Variants in ZDHHC14 observed in about 807,000 individuals in gnomAD.
ZDHHC14 encodes the protein palmitoyltransferase ZDHHC14.
Under a neutral mutation model 47.7 loss-of-function variants are expected in ZDHHC14, and 16 were observed. The ratio of observed to expected loss-of-function variants is 0.34; its 90% CI spans 0.23 to 0.51. The LOEUF (loss-of-function observed/expected upper bound fraction) is 0.51. ZDHHC14 is among the 20% of genes least tolerant of loss of function. The probability of loss-of-function intolerance (pLI) is 0.97; values close to 1 mark genes in which losing one functional copy is unlikely to be tolerated. For missense variants in ZDHHC14, 515 were observed against 662.5 expected (o/e 0.78, Z 2.44); for synonymous variants, 293 against 278.9 (o/e 1.05, Z -0.50).
intron 8 of ZDHHC14, among the ~76,000 whole-genome samples, chr6:157,665,057 A>C (rs1420411981): frequency 6.6e-6 from 1 of 152,206 alleles, no homozygotes; most frequent in Non-Finnish European, 1.5e-5. Context: ...CCCCAAGAAA[A>C]GAATTGGTTG....
In ZDHHC14 at chr6:157,504,868, T is replaced by C. The variant is rs1583719476; in HGVS notation, c.246-37717T>C. Among the ~76,000 whole-genome samples, 3 of 152,194 alleles carry C rather than the reference T, an allele frequency of 2.0e-5. No individual in the cohort carries two copies. The South Asian group carries it at 6.2e-4, about 31-fold the overall frequency. ...CTCTGTTGACCAGGCTGGAATGTAA[T>C]GGTGCAGTCTCGGCTCACCACAACC... On this transcript the variant is annotated intron_variant, in intron 1 of 8. Coordinates refer to ENST00000359775, the MANE Select transcript of ZDHHC14 (RefSeq NM_024630.3).
chr6:157,438,800 A>C (rs2114789405), intron 1 of ZDHHC14, among the ~76,000 whole-genome samples: 1 of 152,320 alleles, frequency 6.6e-6, no homozygotes, highest in Middle Eastern at 3.4e-3. Context: ...TTAGAGTACT[A>C]TTTCCAATAG....
chr6:157,656,344 C>CTTTTTTTTTTTT (rs139902125), intron 8 of ZDHHC14, among the ~76,000 whole-genome samples: 6,019 of 149,840 alleles, frequency 0.04, 164 homozygotes, highest in African/African-American at 0.066. Flanking sequence ...CTTTTCTTTT[C>CTTTTTTTTTTTT]TTTTTTTTGA....
At chr6:157,601,833 A>G (rs538554461) in intron 3 of ZDHHC14, among the ~76,000 whole-genome samples, 2 of 152,312 alleles carry the variant, frequency 1.3e-5, no homozygotes, top group Middle Eastern at 3.4e-3. Context: ...TATTTTCCAC[A>G]TCTCCAAAGT....
At chr6:157,666,516 A>C (rs577616618) in intron 8 of ZDHHC14, among the ~76,000 whole-genome samples, 1 of 152,364 alleles carries the variant, frequency 6.6e-6, no homozygotes, top group Non-Finnish European at 1.5e-5. Context: ...GGACTTTAGA[A>C]GACTGTGGTG....
At chr6:157,479,590 C>T (rs1779573773) in intron 1 of ZDHHC14, among the ~76,000 whole-genome samples, 1 of 152,174 alleles carries the variant, frequency 6.6e-6, no homozygotes, top group South Asian at 2.1e-4. Flanking sequence ...CGTTAGCCAT[C>T]GCTTTTGCCA....
At chr6:157,565,589 C>T (rs1458986859) in intron 2 of ZDHHC14, among the ~76,000 whole-genome samples, 3 of 151,994 alleles carry the variant, frequency 2.0e-5, no homozygotes, top group Admixed American at 6.6e-5. Context: ...AAGGCCGAGG[C>T]GGGCGGATCA....
At chr6:157,441,081 T>C (rs1020695798) in intron 1 of ZDHHC14, among the ~76,000 whole-genome samples, 1 of 152,248 alleles carries the variant, frequency 6.6e-6, no homozygotes, top group Non-Finnish European at 1.5e-5. Flanking sequence ...CTTTTCTGTC[T>C]CTTTTTTGTG....
intron 3 of ZDHHC14, among the ~76,000 whole-genome samples, chr6:157,598,065 G>C (rs780306162): frequency 2.0e-5 from 3 of 152,184 alleles, no homozygotes; most frequent in Non-Finnish European, 4.4e-5. Context: ...TCTGCCCCTT[G>C]TTGCTCTCAC....
chr6:157,507,682 T>C (rs1009915706), intron 1 of ZDHHC14, among the ~76,000 whole-genome samples: 1 of 152,208 alleles, frequency 6.6e-6, no homozygotes, highest in South Asian at 2.1e-4. Flanking sequence ...TAGCTCTATC[T>C]GAGCCTCCTT....
intron 1 of ZDHHC14, among the ~76,000 whole-genome samples, chr6:157,488,304 A>G (rs947275050): frequency 6.6e-6 from 1 of 152,164 alleles, no homozygotes; most frequent in Non-Finnish European, 1.5e-5. Flanking sequence ...ATCTCCTGGC[A>G]GGGAGCCCAC....
intron 2 of ZDHHC14, among the ~76,000 whole-genome samples, chr6:157,579,512 T>C (rs1783440919): frequency 6.6e-6 from 1 of 152,212 alleles, no homozygotes; most frequent in Non-Finnish European, 1.5e-5. Flanking sequence ...TTATTCTTTC[T>C]ACCCATAAAC....
chr6:157,600,295 A>G (rs1784291531), intron 3 of ZDHHC14, among the ~76,000 whole-genome samples: 1 of 152,252 alleles, frequency 6.6e-6, no homozygotes, highest in Non-Finnish European at 1.5e-5. Flanking sequence ...CATGACATGG[A>G]AGGATGTATT....
At chr6:157,395,259 C>T (rs765517920) in intron 1 of ZDHHC14, among the ~76,000 whole-genome samples, 2 of 151,612 alleles carry the variant, frequency 1.3e-5, no homozygotes, top group African/African-American at 2.4e-5. Context: ...CTGCTGGGCT[C>T]AAGCAATCCT....
At chr6:157,407,930 G>A (rs1777799608) in intron 1 of ZDHHC14, among the ~76,000 whole-genome samples, 1 of 152,130 alleles carries the variant, frequency 6.6e-6, no homozygotes, top group South Asian at 2.1e-4. Context: ...TTTAAAATGC[G>A]AGTCCTCTAT....
intron 3 of ZDHHC14, among the ~76,000 whole-genome samples, chr6:157,626,407 C>T (rs1785417617): frequency 6.6e-6 from 1 of 152,238 alleles, no homozygotes; most frequent in East Asian, 1.9e-4. Flanking sequence ...AGATTTTTTT[C>T]TCTCTGTGCA....
intron 1 of ZDHHC14, among the ~76,000 whole-genome samples, chr6:157,405,232 C>T (rs998661476): frequency 6.6e-6 from 1 of 152,126 alleles, no homozygotes; most frequent in Non-Finnish European, 1.5e-5. Flanking sequence ...AAACCTCCCC[C>T]AGGTGAGCTC....
intron 8 of ZDHHC14, among the ~76,000 whole-genome samples, chr6:157,663,340 C>A (rs553224316): frequency 6.6e-6 from 1 of 152,216 alleles, no homozygotes; most frequent in Non-Finnish European, 1.5e-5. Context: ...CAGCCCAGGA[C>A]GCAGAGCTCC....
chr6:157,432,465 T>C (rs1418526858), intron 1 of ZDHHC14, among the ~76,000 whole-genome samples: 1 of 151,856 alleles, frequency 6.6e-6, no homozygotes, highest in African/African-American at 2.4e-5. Flanking sequence ...TTTGGAGAGG[T>C]AAGTAGTTGT....
Sources: gnomAD v4.1 joint callset for allele counts (sites outside exome capture counted in the v4.1 genomes callset) on GRCh38, gnomAD v4.1.1 for gene constraint, MANE v1.5 for transcripts, NCBI Gene and HGNC (gene_info 2026-07-23, HGNC 2026-07-21) for gene names.